Variants in VRK3 observed in about 807,000 individuals in gnomAD.
The protein encoded by VRK3 is VRK serine/threonine kinase 3.
VRK3 carries 50 observed loss-of-function variants against 60.4 expected under a neutral mutation model. The ratio of observed to expected loss-of-function variants is 0.83; its 90% CI spans 0.66 to 1.05. The LOEUF (loss-of-function observed/expected upper bound fraction) is 1.05. VRK3 is among the 50% of genes least tolerant of loss of function. The pLI is 0.00. For synonymous variants in VRK3, 246 were observed against 227.8 expected, an observed-to-expected ratio of 1.08 and a Z score of -0.72; for missense variants, 549 against 585.3, an observed-to-expected ratio of 0.94 and a Z score of 0.64.
intron 2 of VRK3, among the ~76,000 whole-genome samples, chr19:50,020,043 A>ATT (rs59318175): frequency 1.4e-4 from 20 of 142,518 alleles, no homozygotes; most frequent in South Asian, 2.2e-4. Flanking sequence ...CACCCAGCTA[A>ATT]TTTTTTTTTT....
At chr19:50,000,962 C>T (rs2076794894) in intron 5 of VRK3, 108 bp from the exon 6 acceptor site, 3 of 1,028,362 alleles carry the variant, frequency 2.9e-6, no homozygotes, top group Non-Finnish European at 4.3e-6. Flanking sequence ...CTGGTTCCAA[C>T]AAGGTCAAGC....
intron 5 of VRK3, chr19:50,001,429 G>A (rs1310133623): frequency 6.6e-6 from 1 of 152,558 alleles, no homozygotes; most frequent in African/African-American, 2.4e-5. Flanking sequence ...GACTGATTGA[G>A]GTGGACATAA....
intron 9 of VRK3, 61 bp downstream of exon 9, chr19:49,994,753 C>A: frequency 1.3e-6 from 2 of 1,484,220 alleles, no homozygotes; most frequent in East Asian, 2.3e-5. Context: ...AAAGTGCCTG[C>A]TAAACTAGGA....
intron 12 of VRK3, 83 bp downstream of exon 12, chr19:49,988,289 C>T: frequency 6.5e-7 from 1 of 1,535,356 alleles, no homozygotes; most frequent in Non-Finnish European, 8.8e-7. Context: ...TTCCCTCCTG[C>T]TCCCAGTTGG....
chr19:49,982,407 T>G (rs2076439411), intron 12 of VRK3, among the ~76,000 whole-genome samples: 2 of 152,202 alleles, frequency 1.3e-5, no homozygotes, highest in South Asian at 4.1e-4. Context: ...CCTCCCAAAG[T>G]GCTGGGATTA....
chr19:49,984,936 T>C (rs2076486437), intron 12 of VRK3, among the ~76,000 whole-genome samples: 1 of 152,190 alleles, frequency 6.6e-6, no homozygotes. Context: ...CTGCTATTCC[T>C]TGGGCACCCA....
intron 12 of VRK3, among the ~76,000 whole-genome samples, chr19:49,984,132 C>T (rs910851840): frequency 3.9e-5 from 6 of 152,098 alleles, no homozygotes; most frequent in Non-Finnish European, 5.9e-5. Context: ...ATGATAAGAC[C>T]GCTCTTAGGA....
intron 3 of VRK3, 132 bp downstream of exon 3, chr19:50,015,892 G>A: frequency 7.9e-7 from 1 of 1,269,318 alleles, no homozygotes; most frequent in Non-Finnish European, 1.1e-6. Flanking sequence ...GAGGGGTCCA[G>A]TCCTGAGGCC....
At chr19:49,995,340 G>C in intron 7 of VRK3, 65 bp from the exon 8 acceptor site, 2 of 1,478,536 alleles carry the variant, frequency 1.4e-6, no homozygotes, top group Non-Finnish European at 1.9e-6. Context: ...GTAAGAGCTA[G>C]TTCTCAGAGA....
At chr19:50,002,174 C>A (rs530577853) in intron 5 of VRK3, among the ~76,000 whole-genome samples, 11 of 152,264 alleles carry the variant, frequency 7.2e-5, no homozygotes, top group Admixed American at 2.0e-4. Context: ...CTGTTCTCAT[C>A]GTTCCCACTC....
At chr19:49,977,105 C>T (rs1200945573) in intron 14 of VRK3, among the ~76,000 whole-genome samples, 1 of 151,974 alleles carries the variant, frequency 6.6e-6, no homozygotes, top group African/African-American at 2.4e-5. Context: ...TCTTGAGAAG[C>T]AGCAGGTACA....
At chr19:49,993,930 C>T (rs1475008211) in intron 9 of VRK3, among the ~76,000 whole-genome samples, 4 of 152,092 alleles carry the variant, frequency 2.6e-5, no homozygotes, top group Non-Finnish European at 5.9e-5. Flanking sequence ...GAGGGCCTTT[C>T]TGTACCCAGA....
chr19:49,997,794 T>C, intron 6 of VRK3: 1 of 493,956 alleles, frequency 2.0e-6, no homozygotes, highest in East Asian at 3.4e-5. Context: ...AGAGCCACAG[T>C]GTTCCCTAGA....
chr19:49,992,852 G>C lies in VRK3; in HGVS notation c.963+8C>G. The C allele has an allele frequency of 6.2e-7, 1 of 1,613,804 alleles. No individual in the cohort carries two copies. ...GATCTTCCAGAGTGGGCAGGAGCTG[G>C]CTCTTACCTGACTCTGGTCCTCTGG... On this transcript the variant is annotated splice_region_variant and intron_variant, in intron 10 of 14. Coordinates refer to ENST00000316763, the MANE Select transcript of VRK3 (RefSeq NM_016440.4).
At chr19:50,007,919 C>T in intron 4 of VRK3, 93 bp from the exon 5 acceptor site, 1 of 1,532,482 alleles carries the variant, frequency 6.5e-7, no homozygotes, top group Admixed American at 2.0e-5. Flanking sequence ...TGTTCCTTTA[C>T]AAATTCGTTC....
intron 10 of VRK3, among the ~76,000 whole-genome samples, chr19:49,992,353 G>A (rs2076626444): frequency 6.6e-6 from 1 of 152,180 alleles, no homozygotes; most frequent in Non-Finnish European, 1.5e-5. Context: ...GTGATGAGCC[G>A]AGATCGTGCC....
At chr19:49,981,943 G>A in intron 12 of VRK3, 2 of 658,100 alleles carry the variant, frequency 3.0e-6, no homozygotes, top group Non-Finnish European at 5.0e-6. Flanking sequence ...GCCTGAGAGG[G>A]GGTCACTGTG....
At chr19:49,991,443 C>A (rs2076609671) in intron 10 of VRK3, among the ~76,000 whole-genome samples, 2 of 152,048 alleles carry the variant, frequency 1.3e-5, no homozygotes, top group South Asian at 4.1e-4. Context: ...TCCTAGGTCT[C>A]CAGATTGCAA....
chr19:49,979,766 G>A (rs752165475), intron 13 of VRK3, among the ~76,000 whole-genome samples: 9 of 152,114 alleles, frequency 5.9e-5, no homozygotes, highest in South Asian at 2.1e-4. Flanking sequence ...TAATTCAGCC[G>A]GGCGCGGTGG....
Sources: gnomAD v4.1 joint callset for allele counts (sites outside exome capture counted in the v4.1 genomes callset) on GRCh38, gnomAD v4.1.1 for gene constraint, MANE v1.5 for transcripts, NCBI Gene and HGNC (gene_info 2026-07-23, HGNC 2026-07-21) for gene names.